Variants in TCF12 observed in about 807,000 individuals in gnomAD.
TCF12 encodes the protein transcription factor 12.
In TCF12, 45 loss-of-function variants were observed where a neutral mutation model predicts 86.0. The ratio of observed to expected loss-of-function variants is 0.52; its 90% confidence interval spans 0.41 to 0.67. The LOEUF is 0.67. Ranked by LOEUF, TCF12 falls within the 30% of genes least tolerant of loss-of-function variation. TCF12 has a pLI of 0.00. For synonymous variants in TCF12, 330 were observed against 299.6 expected (o/e 1.10, Z -1.05); for missense variants, 881 against 859.9 (o/e 1.02, Z -0.31).
Position 57,234,148 on chromosome 15 carries a change from A to G in TCF12, c.1035+41A>G, listed in dbSNP as rs375305021. ...ACACATTCTACTGAATGAATTTTAC[A>G]CTACTGAATACAGTGATTAGATTTT... On this transcript the variant is annotated intron_variant, in intron 12 of 20. Coordinates refer to ENST00000333725, the MANE Select transcript of TCF12 (RefSeq NM_207037.2). 27 of 1,444,362 alleles carry G rather than the reference A, an allele frequency of 1.9e-5. No individual in the cohort carries two copies. In the African/African-American group the frequency reaches 3.5e-4, roughly 19 times the overall value. 89.5% of individuals were successfully genotyped at this position (1,444,362 alleles called of 1,614,324 possible).
intron 20 of TCF12, 92 bp downstream of exon 20, chr15:57,282,690 G>A: frequency 7.0e-7 from 1 of 1,428,980 alleles, no homozygotes; most frequent in East Asian, 2.3e-5. Context: ...TCTCTAGTGA[G>A]CAGTGGCCAT....
intron 12 of TCF12, among the ~76,000 whole-genome samples, chr15:57,235,958 A>G (rs1256056877): frequency 6.6e-6 from 1 of 152,172 alleles, no homozygotes; most frequent in African/African-American, 2.4e-5. Flanking sequence ...CCAAACCAAA[A>G]TGGCATTTGG....
chr15:57,234,869 G>C (rs1201069713), intron 12 of TCF12, among the ~76,000 whole-genome samples: 1 of 152,040 alleles, frequency 6.6e-6, no homozygotes, highest in Non-Finnish European at 1.5e-5. Context: ...CTTGTTTTCT[G>C]AGTAGTATGC....
chr15:57,038,990 C>T (rs1278639868), intron 3 of TCF12, among the ~76,000 whole-genome samples: 1 of 152,116 alleles, frequency 6.6e-6, no homozygotes, highest in Non-Finnish European at 1.5e-5. Flanking sequence ...TGAAAAGGTA[C>T]TCCAAATGCT....
rs368345059 is a variant in TCF12, at chr15:57,113,270, A to G, written c.325+21379A>G. On this transcript the variant is annotated intron_variant, in intron 5 of 20. Coordinates refer to ENST00000333725, the MANE Select transcript of TCF12 (RefSeq NM_207037.2). The stretch of plus-strand genomic sequence containing the variant: ...CGTCAAGGATTAGCTTATGCTTGAC[A>G]TCTGTAGCTTCGGAAATAGACATTC... Among the ~76,000 whole-genome samples, 4 of 152,316 alleles carry G rather than the reference A, an allele frequency of 2.6e-5. No individual in the cohort carries two copies. In the South Asian group the frequency reaches 8.3e-4, roughly 32 times the overall value.
intron 12 of TCF12, among the ~76,000 whole-genome samples, chr15:57,241,397 T>C (rs1284887238): frequency 1.3e-5 from 2 of 152,140 alleles, no homozygotes; most frequent in African/African-American, 4.8e-5. Context: ...CGGCCTATTA[T>C]TGATCTTATA....
At chr15:56,922,052 A>G (rs1293844172) in intron 3 of TCF12, among the ~76,000 whole-genome samples, 1 of 151,986 alleles carries the variant, frequency 6.6e-6, no homozygotes, top group Non-Finnish European at 1.5e-5. Context: ...AAAGGACATC[A>G]TGAAACGATA....
At chr15:57,242,493 GA>G (rs1411088864) in intron 12 of TCF12, among the ~76,000 whole-genome samples, 1 of 151,990 alleles carries the variant, frequency 6.6e-6, no homozygotes, top group African/African-American at 2.4e-5. Context: ...TGACCAACAT[GA>G]CAAAAACCCA....
intron 3 of TCF12, among the ~76,000 whole-genome samples, chr15:56,979,308 A>G (rs1488385426): frequency 6.6e-6 from 1 of 152,120 alleles, no homozygotes; most frequent in Non-Finnish European, 1.5e-5. Flanking sequence ...CAGTTTTTAA[A>G]TTACTTTTCA....
chr15:57,107,122 T>C (rs1355737789), intron 5 of TCF12, among the ~76,000 whole-genome samples: 3 of 152,236 alleles, frequency 2.0e-5, no homozygotes, highest in African/African-American at 7.2e-5. Flanking sequence ...CATAGAAGTT[T>C]ATAGCAGCTT....
At chr15:56,973,392 G>A (rs2062438176) in intron 3 of TCF12, among the ~76,000 whole-genome samples, 1 of 152,074 alleles carries the variant, frequency 6.6e-6, no homozygotes, top group African/African-American at 2.4e-5. Flanking sequence ...CAGGATATTT[G>A]TAGGACTCCC....
intron 8 of TCF12, among the ~76,000 whole-genome samples, chr15:57,221,893 T>C (rs1387610438): frequency 2.6e-5 from 4 of 152,038 alleles, no homozygotes; most frequent in African/African-American, 9.7e-5. Context: ...ATAAATGTAT[T>C]ATTTTAGTGT....
At chr15:57,002,789 G>A (rs749712146) in intron 3 of TCF12, among the ~76,000 whole-genome samples, 18 of 152,158 alleles carry the variant, frequency 1.2e-4, no homozygotes, top group East Asian at 9.6e-4. Flanking sequence ...AGTCTATGGC[G>A]CTTCTCATGC....
At chr15:57,008,148 T>C (rs2064584468) in intron 3 of TCF12, among the ~76,000 whole-genome samples, 1 of 149,728 alleles carries the variant, frequency 6.7e-6, no homozygotes, top group Non-Finnish European at 1.5e-5. Flanking sequence ...TTTTTTTCCC[T>C]GTAGAGATGA....
chr15:56,983,910 G>C (rs1245911686), intron 3 of TCF12, among the ~76,000 whole-genome samples: 1 of 148,218 alleles, frequency 6.7e-6, no homozygotes, highest in Non-Finnish European at 1.5e-5. Context: ...GCTGAGGTGA[G>C]AGGATCACTT....
chr15:57,232,190 G>GA, intron 9 of TCF12, 101 bp from the exon 10 acceptor site: 1 of 1,355,060 alleles, frequency 7.4e-7, no homozygotes, highest in Non-Finnish European at 1.0e-6. Context: ...GAAAAGGGAG[G>GA]AAAAATATCT....
chr15:57,221,367 G>A (rs1207007718), intron 8 of TCF12, among the ~76,000 whole-genome samples: 3 of 132,396 alleles, frequency 2.3e-5, no homozygotes, highest in Non-Finnish European at 3.2e-5. Context: ...AACATGGTAT[G>A]TGGGTATGTG....
intron 19 of TCF12, chr15:57,278,424 A>C (rs1470371606): frequency 6.6e-6 from 1 of 152,206 alleles, no homozygotes; most frequent in Non-Finnish European, 1.5e-5. Context: ...CTCTTGGAGC[A>C]TTCAGTGGTG....
At chr15:56,932,785 T>C (rs1327259699) in intron 3 of TCF12, among the ~76,000 whole-genome samples, 3 of 152,110 alleles carry the variant, frequency 2.0e-5, no homozygotes, top group African/African-American at 7.2e-5. Context: ...GGCTGTTCTT[T>C]AATTCTGCCC....
Sources: allele counts gnomAD v4.1 joint callset (sites outside exome capture counted in the v4.1 genomes callset), GRCh38; gene constraint gnomAD v4.1.1; transcripts MANE v1.5; gene names NCBI Gene and HGNC (gene_info 2026-07-23, HGNC 2026-07-21).